Variants in DHRSX observed in about 807,000 individuals in gnomAD.
DHRSX encodes polyprenol dehydrogenase.
In DHRSX, 31 loss-of-function variants were observed where a neutral mutation model predicts 34.0. The ratio of observed to expected loss-of-function variants is 0.91; its 90% CI spans 0.69 to 1.23. DHRSX has a LOEUF of 1.23. DHRSX is among the 50% of genes most tolerant of loss of function. The pLI is 0.00. For synonymous variants in DHRSX, 201 were observed against 183.8 expected (o/e 1.09, Z -0.76); for missense variants, 414 against 428.1 (o/e 0.97, Z 0.29).
chrX:2,325,576 A>G (rs2042375955), intron 3 of DHRSX, among the ~76,000 whole-genome samples: 1 of 152,020 alleles, frequency 6.6e-6, no homozygotes, highest in Non-Finnish European at 1.5e-5. Flanking sequence ...GTGGGCAACC[A>G]GCCTTTCCTG....
chrX:2,320,890 G>C (rs936526614), intron 3 of DHRSX, among the ~76,000 whole-genome samples: 1 of 151,398 alleles, frequency 6.6e-6, no homozygotes, highest in African/African-American at 2.4e-5. Flanking sequence ...TGACGTGTCG[G>C]TCCACGTACA....
intron 1 of DHRSX, among the ~76,000 whole-genome samples, chrX:2,479,986 T>C (rs889620695): frequency 2.0e-5 from 3 of 152,156 alleles, no homozygotes; most frequent in African/African-American, 4.8e-5. Flanking sequence ...GAAAGAATGT[T>C]GTGCAGGATC....
chrX:2,267,743 C>T (rs1247540400), intron 4 of DHRSX, among the ~76,000 whole-genome samples: 1 of 151,898 alleles, frequency 6.6e-6, no homozygotes, highest in African/African-American at 2.4e-5. Flanking sequence ...GTCAGGAGTT[C>T]GAGACCAGGC....
intron 3 of DHRSX, chrX:2,334,799 A>G (rs1450405024): frequency 6.6e-6 from 1 of 152,178 alleles, no homozygotes; most frequent in African/African-American, 2.4e-5. Context: ...GACTCTATCC[A>G]TCACTATTTA....
At chrX:2,243,479 T>TTTAA (rs1393727295) in intron 5 of DHRSX, among the ~76,000 whole-genome samples, 1 of 151,888 alleles carries the variant, frequency 6.6e-6, no homozygotes. Context: ...TTACTAATTT[T>TTTAA]TTATTTATTT....
At chrX:2,497,076 A>AT (rs1180534474) in intron 1 of DHRSX, among the ~76,000 whole-genome samples, 2 of 151,740 alleles carry the variant, frequency 1.3e-5, no homozygotes. Flanking sequence ...TGGGGTCCTC[A>AT]TTTTTTTTGA....
chrX:2,300,178 G>A lies in DHRSX; in HGVS notation c.287-8575C>T, dbSNP rs144844233. Among the ~76,000 whole-genome samples the A allele has an allele frequency of 5.0e-3, 755 of 152,286 alleles. 8 individuals are homozygous for A. Among genetic ancestry groups the A allele is most frequent in the African/African-American group, 0.017 (699 of 41,566 alleles). On this transcript the variant is annotated intron_variant, in intron 3 of 6. Transcript: ENST00000334651. ...CTCTGGCAAACCTCCTAATTTGGAG[G>A]AATTGAATAGTGCCTTCATTTTTTC...
At chrX:2,379,407 C>T (rs972619309) in intron 3 of DHRSX, among the ~76,000 whole-genome samples, 5 of 152,126 alleles carry the variant, frequency 3.3e-5, no homozygotes, top group East Asian at 3.9e-4. Flanking sequence ...GGCAAACAAA[C>T]GAAGGGTTAA....
intron 1 of DHRSX, among the ~76,000 whole-genome samples, chrX:2,431,034 A>G (rs28496533): frequency 0.018 from 2,609 of 146,882 alleles, 73 homozygotes; most frequent in African/African-American, 0.063. Context: ...AAACAAAACA[A>G]AAAAAAGACG....
chrX:2,340,204 G>A (rs969699390), intron 3 of DHRSX, among the ~76,000 whole-genome samples: 3 of 151,982 alleles, frequency 2.0e-5, no homozygotes, highest in Admixed American at 6.6e-5. Context: ...TGGGGGGCTA[G>A]GGGAGTGATA....
At chrX:2,457,649 G>A (rs1358069052) in intron 1 of DHRSX, among the ~76,000 whole-genome samples, 1 of 149,806 alleles carries the variant, frequency 6.7e-6, no homozygotes, top group East Asian at 2.0e-4. Context: ...CGCCACCGTG[G>A]ACATGCTGAA....
At chrX:2,379,354 G>A (rs139519223) in intron 3 of DHRSX, among the ~76,000 whole-genome samples, 335 of 152,240 alleles carry the variant, frequency 2.2e-3, no homozygotes, top group Non-Finnish European at 4.0e-3. Context: ...TGCCAATGAC[G>A]TCTGATTCCC....
intron 4 of DHRSX, among the ~76,000 whole-genome samples, chrX:2,283,476 C>G (rs185534705): frequency 1.5e-4 from 23 of 152,292 alleles, no homozygotes; most frequent in African/African-American, 2.2e-4. Flanking sequence ...CGATGCAACA[C>G]TTTCCGTCTT....
At chrX:2,365,758 G>C in intron 3 of DHRSX, among the ~76,000 whole-genome samples, 1 of 152,188 alleles carries the variant, frequency 6.6e-6, no homozygotes. Context: ...GGTGAGCCTT[G>C]GGTGGATACT....
chrX:2,490,426 C>T (rs1418063823), intron 1 of DHRSX: 1 of 1,613,960 alleles, frequency 6.2e-7, no homozygotes, highest in Non-Finnish European at 8.5e-7. Context: ...ACGACTCGGG[C>T]TTCAGCTTGG....
Position 2,325,423 on chromosome X carries a change from A to G in DHRSX, c.287-33820T>C, listed in dbSNP as rs1019091280. 2.4e-4 allele frequency among the ~76,000 whole-genome samples: 37 copies of G among 152,138 alleles called. 1 individual carries two copies. The highest frequency in any genetic ancestry group is 5.2e-4 in the Admixed American group (8 of 15,264). ...TAGACACATTCAAAACGGCGGCTCC[A>G]TCTTCCCAGCAGGAACTAGAGACTA... On this transcript the variant is annotated intron_variant, in intron 3 of 6. Coordinates refer to ENST00000334651, the MANE Select transcript of DHRSX (RefSeq NM_145177.3).
intron 2 of DHRSX, among the ~76,000 whole-genome samples, chrX:2,420,151 G>C (rs6641679): frequency 0.8 from 119,109 of 149,320 alleles, 47,953 homozygotes; most frequent in East Asian, 0.93. Context: ...GCTCACGCCT[G>C]TAATCCCAGC....
intron 2 of DHRSX, among the ~76,000 whole-genome samples, chrX:2,420,449 AATAAAG>A (rs957671617): frequency 7.7e-6 from 1 of 129,380 alleles, no homozygotes; most frequent in African/African-American, 2.9e-5. Context: ...AATAAAATAA[AATAAAG>A]AGAATGGGGC....
At chrX:2,304,023 TGATG>T (rs745829295) in intron 3 of DHRSX, among the ~76,000 whole-genome samples, 11,995 of 67,566 alleles carry the variant, frequency 0.18, 1,106 homozygotes, top group East Asian at 0.33. Flanking sequence ...ATGGATGAAC[TGATG>T]GATGGATGGA....
Sources: gnomAD v4.1 joint callset for allele counts (sites outside exome capture counted in the v4.1 genomes callset) on GRCh38, gnomAD v4.1.1 for gene constraint, MANE v1.5 for transcripts, NCBI Gene and HGNC (gene_info 2026-07-23, HGNC 2026-07-21) for gene names.